GLDC: variants seen among roughly 807,000 people sequenced by gnomAD.
GLDC encodes glycine dehydrogenase (decarboxylating), mitochondrial.
GLDC carries 104 observed loss-of-function variants against 121.3 expected under a neutral mutation model. That is an observed-to-expected ratio of 0.86 (90% CI 0.73 to 1.01). GLDC has a LOEUF of 1.01. Among genes scored for constraint, GLDC ranks in the 50% least tolerant of loss-of-function variants. GLDC has a pLI of 0.00. For missense variants in GLDC, 1,429 were observed against 1,306.6 expected (o/e 1.09, Z -1.44); for synonymous variants, 546 against 480.6 (o/e 1.14, Z -1.78).
chr9:6,640,818 A>C (rs112563540), intron 2 of GLDC, among the ~76,000 whole-genome samples: 1 of 152,220 alleles, frequency 6.6e-6, no homozygotes, highest in African/African-American at 2.4e-5. Flanking sequence ...GTAATTTTTA[A>C]CTTTGAATTA....
chr9:6,563,387 T>G (rs1417876577), intron 16 of GLDC, among the ~76,000 whole-genome samples: 1 of 152,188 alleles, frequency 6.6e-6, no homozygotes, highest in Non-Finnish European at 1.5e-5. Flanking sequence ...CTGCGGCCTC[T>G]CCGCCAAGCA....
chr9:6,542,885 CAAAAAAAAAAAA>C (rs5896153), intron 21 of GLDC, among the ~76,000 whole-genome samples: 2 of 61,396 alleles, frequency 3.3e-5, no homozygotes, highest in African/African-American at 6.8e-5. Context: ...GACCTTTTCT[CAAAAAAAAAAAA>C]AAAAAAAAAA....
intron 2 of GLDC, among the ~76,000 whole-genome samples, chr9:6,637,558 C>T (rs1035324679): frequency 6.6e-6 from 1 of 151,992 alleles, no homozygotes; most frequent in African/African-American, 2.4e-5. Context: ...CCTCCACCTC[C>T]CAGGTTCAAG....
chr9:6,622,159 G>GACACACACACAC (rs60752054), intron 2 of GLDC, among the ~76,000 whole-genome samples: 36 of 145,422 alleles, frequency 2.5e-4, no homozygotes, highest in Middle Eastern at 3.6e-3. Context: ...CACACACACA[G>GACACACACACAC]ACACACACAC....
At chr9:6,551,863 G>C (rs1817522220) in intron 20 of GLDC, among the ~76,000 whole-genome samples, 1 of 152,184 alleles carries the variant, frequency 6.6e-6, no homozygotes, top group African/African-American at 2.4e-5. Context: ...TCTCTAGGAA[G>C]GACTTCGACT....
intron 2 of GLDC, among the ~76,000 whole-genome samples, chr9:6,629,947 A>G (rs866061877): frequency 1.1e-4 from 9 of 80,932 alleles, no homozygotes; most frequent in East Asian, 1.0e-3. Context: ...ATATATATGT[A>G]TATATATATA....
chr9:6,590,342 A>C (rs1469616953), intron 11 of GLDC, among the ~76,000 whole-genome samples: 1 of 152,150 alleles, frequency 6.6e-6, no homozygotes, highest in Non-Finnish European at 1.5e-5. Flanking sequence ...TTGCCAGGCT[A>C]ATAATATGAC....
chr9:6,580,959 G>A (rs769947769), intron 15 of GLDC, among the ~76,000 whole-genome samples: 1 of 152,194 alleles, frequency 6.6e-6, no homozygotes, highest in African/African-American at 2.4e-5. Context: ...GTTTCATCCT[G>A]AAGCTTACTT....
intron 2 of GLDC, among the ~76,000 whole-genome samples, chr9:6,626,103 G>T (rs2129969685): frequency 6.6e-6 from 1 of 151,722 alleles, no homozygotes; most frequent in East Asian, 2.0e-4. Context: ...GATTTTGCTT[G>T]CAGACTTTTG....
At chr9:6,585,728 G>C (rs1818256485) in intron 15 of GLDC, among the ~76,000 whole-genome samples, 1 of 152,190 alleles carries the variant, frequency 6.6e-6, no homozygotes, top group Admixed American at 6.5e-5. Flanking sequence ...TGAGCAGCAG[G>C]AGGTGAAGAA....
At chr9:6,637,619 A>C (rs1230459177) in intron 2 of GLDC, among the ~76,000 whole-genome samples, 1 of 151,956 alleles carries the variant, frequency 6.6e-6, no homozygotes, top group East Asian at 1.9e-4. Flanking sequence ...GGCATGCACC[A>C]CCACAGCCAG....
At chr9:6,644,301 G>A (rs1286787082) in intron 2 of GLDC, among the ~76,000 whole-genome samples, 1 of 151,832 alleles carries the variant, frequency 6.6e-6, no homozygotes, top group Non-Finnish European at 1.5e-5. Flanking sequence ...CAAAGTATGA[G>A]AGCACCCTGG....
intron 7 of GLDC, 46 bp from the exon 8 acceptor site, chr9:6,602,251 C>T (rs778299200): frequency 5.5e-6 from 6 of 1,082,452 alleles, no homozygotes; most frequent in Non-Finnish European, 7.1e-6. Flanking sequence ...AATCACAGCA[C>T]TGGGAGATGC....
chr9:6,556,034 T>C, intron 18 of GLDC, 119 bp downstream of exon 18: 1 of 738,858 alleles, frequency 1.4e-6, no homozygotes, highest in Non-Finnish European at 2.3e-6. Flanking sequence ...CCACCAGTGG[T>C]CAGGTCGTGG....
chr9:6,550,657 G>A (rs904523798), intron 21 of GLDC, 146 bp downstream of exon 21: 20 of 695,358 alleles, frequency 2.9e-5, no homozygotes, highest in Non-Finnish European at 5.2e-5. Flanking sequence ...AAATAAACCC[G>A]AGTTATTTCC....
chr9:6,626,469 G>A (rs1233410209), intron 2 of GLDC, among the ~76,000 whole-genome samples: 2 of 152,184 alleles, frequency 1.3e-5, no homozygotes, highest in South Asian at 2.1e-4. Flanking sequence ...TCACTTGACA[G>A]AAGAAGAAAC....
intron 19 of GLDC, among the ~76,000 whole-genome samples, chr9:6,554,114 C>T (rs965165686): frequency 6.6e-6 from 1 of 152,170 alleles, no homozygotes; most frequent in Non-Finnish European, 1.5e-5. Context: ...CTCTCATCAT[C>T]ATTTTCCCAA....
intron 2 of GLDC, among the ~76,000 whole-genome samples, chr9:6,642,363 C>G (rs1004185366): frequency 5.3e-5 from 8 of 151,952 alleles, no homozygotes; most frequent in African/African-American, 1.7e-4. Flanking sequence ...AACCCCATCT[C>G]TACTAAAAAT....
chr9:6,624,091 A>C (rs1264251924), intron 2 of GLDC, among the ~76,000 whole-genome samples: 1 of 152,218 alleles, frequency 6.6e-6, no homozygotes, highest in East Asian at 1.9e-4. Flanking sequence ...CAGTAAGATA[A>C]TTCTACTGAT....
Sources: allele counts gnomAD v4.1 joint callset (sites outside exome capture counted in the v4.1 genomes callset), GRCh38; gene constraint gnomAD v4.1.1; transcripts MANE v1.5; gene names NCBI Gene and HGNC (gene_info 2026-07-23, HGNC 2026-07-21).